RAP2A: variants seen among roughly 807,000 people sequenced by gnomAD.
The protein encoded by RAP2A is ras-related protein Rap-2a.
In RAP2A, 5 loss-of-function variants were observed where a neutral mutation model predicts 15.1. The observed-to-expected ratio is 0.33, with a 90% CI of 0.17 to 0.70. The LOEUF is 0.70. Among genes scored for constraint, RAP2A ranks in the 30% least tolerant of loss-of-function variants. The probability of loss-of-function intolerance (pLI) is 0.68; values close to 1 mark genes in which losing one functional copy is unlikely to be tolerated. For missense variants in RAP2A, 111 were observed against 240.3 expected (o/e 0.46, Z 3.56); for synonymous variants, 110 against 99.7 (o/e 1.10, Z -0.62).
rs551562350 is a variant in RAP2A, at chr13:97,445,603, G to A, written c.314+10819G>A. ...ACCCTATGTCTGTTCTTGCTGGATG[G>A]TCAACTAGTTTTGGAGTGCTGTTAC... On this transcript the variant is annotated intron_variant, in intron 1 of 1. Coordinates refer to ENST00000245304, the MANE Select transcript of RAP2A (RefSeq NM_021033.7). 2.6e-5 allele frequency among the ~76,000 whole-genome samples: 4 copies of A among 152,258 alleles called. No individual in the cohort carries two copies. In the South Asian group the frequency reaches 6.2e-4, roughly 24 times the overall value.
In RAP2A at chr13:97,467,234, TG is replaced by T; in HGVS notation, c.*2793del. On this transcript the variant is annotated 3_prime_UTR_variant, in exon 2 of 2. Transcript: ENST00000245304. ...TTTGGGTTCTTTTAAACTGTGATAG[TG>T]ATGGTAACTGATGCCTTTCATTTTG... 1 of 152,724 alleles carries T rather than the reference TG, an allele frequency of 6.5e-6. No homozygotes were observed. The highest frequency in any genetic ancestry group is 3.4e-3 in the Middle Eastern group (1 of 294). The allele number at this position is 152,724 out of a possible 1,614,324, so 9.5% of individuals were successfully genotyped here. A position where few individuals can be genotyped will look rare whatever the true frequency, so the allele number is the denominator to read the frequency against.
chr13:97,461,957 C>T (rs1355991860), intron 1 of RAP2A, among the ~76,000 whole-genome samples: 9 of 132,318 alleles, frequency 6.8e-5, no homozygotes, highest in Admixed American at 1.6e-4. Context: ...AGCGAGACTC[C>T]GTCTCAAAAA....
rs2066768613 is a variant in RAP2A, at chr13:97,465,908, T to A, written c.*1466T>A. ...GAATTTGGCCTTCAGAACTGCAATA[T>A]CACTGAGCCTGCGATCTATACACCA... On this transcript the variant is annotated 3_prime_UTR_variant, in exon 2 of 2. Coordinates refer to ENST00000245304, the MANE Select transcript of RAP2A (RefSeq NM_021033.7). The A allele has an allele frequency of 6.6e-6, 1 of 152,160 alleles. No homozygotes were observed. Among genetic ancestry groups the A allele is most frequent in the African/African-American group, 2.4e-5 (1 of 41,428 alleles). The allele number at this position is 152,160 out of a possible 1,614,324, so 9.4% of individuals were successfully genotyped here.
rs922368862 is a variant in RAP2A at position 97,434,825 on chromosome 13, A to T, written c.314+41A>T. ...CGGGGGCTTGGCGGCTGCACCCCGG[A>T]GTCACCGTCCCGGGGCTGGAACTCC... On this transcript the variant is annotated intron_variant, in intron 1 of 1. Transcript: ENST00000245304. 9 of 1,604,302 alleles carry T rather than the reference A, an allele frequency of 5.6e-6. No homozygotes were observed. The Admixed American group carries it at 1.0e-4, about 18-fold the overall frequency.
At chr13:97,445,914 C>T (rs2066677536) in intron 1 of RAP2A, among the ~76,000 whole-genome samples, 1 of 152,160 alleles carries the variant, frequency 6.6e-6, no homozygotes, top group African/African-American at 2.4e-5. Flanking sequence ...CCACCCTGAG[C>T]ACATCATCTG....
At position 97,466,531 on chromosome 13, in the gene RAP2A, T is replaced by A. The variant is rs1278085867; in HGVS notation, c.*2089T>A. On this transcript the variant is annotated 3_prime_UTR_variant, in exon 2 of 2. Transcript: ENST00000245304. ...GTTGAGTTTTGATTCCTCTAACTTCTCAGAATGATTCTTTAGAATTCTATA... is the reference window on the plus strand; with the variant it reads ...GTTGAGTTTTGATTCCTCTAACTTCACAGAATGATTCTTTAGAATTCTATA... 1 of 152,264 alleles carries A rather than the reference T, an allele frequency of 6.6e-6. No individual in the cohort carries two copies. The highest frequency in any genetic ancestry group is 1.5e-5 in the Non-Finnish European group (1 of 68,054). The allele number at this position is 152,264 out of a possible 1,614,324, so 9.4% of individuals were successfully genotyped here. A position where few individuals can be genotyped will look rare whatever the true frequency, so the allele number is the denominator to read the frequency against.
intron 1 of RAP2A, among the ~76,000 whole-genome samples, chr13:97,447,865 C>T (rs1339923084): frequency 1.3e-5 from 2 of 152,142 alleles, no homozygotes; most frequent in Non-Finnish European, 2.9e-5. Flanking sequence ...CATTCATTGC[C>T]CTTGCCTTCC....
chr13:97,452,570 A>C (rs766794084), intron 1 of RAP2A, among the ~76,000 whole-genome samples: 1 of 150,788 alleles, frequency 6.6e-6, no homozygotes, highest in South Asian at 2.1e-4. Context: ...TGTTTTTCAG[A>C]TTTGCTTTGG....
chr13:97,437,964 C>T (rs534850324), intron 1 of RAP2A, among the ~76,000 whole-genome samples: 14 of 152,142 alleles, frequency 9.2e-5, no homozygotes, highest in Non-Finnish European at 2.1e-4. Flanking sequence ...TGTAAGTGTA[C>T]ATACCTCCGT....
In RAP2A at chr13:97,468,714, T is replaced by G. The variant is rs982120591; in HGVS notation, c.*4272T>G. On this transcript the variant is annotated 3_prime_UTR_variant, in exon 2 of 2. Coordinates refer to ENST00000245304, the MANE Select transcript of RAP2A (RefSeq NM_021033.7). ...AAAACATGCCTATATTTTAGGAATA[T>G]CTTCTGAAGAACTTCATAATTTTAT... 5 of 152,238 alleles carry G rather than the reference T, an allele frequency of 3.3e-5. No homozygotes were observed. Among genetic ancestry groups the G allele is most frequent in the Non-Finnish European group, 7.3e-5 (5 of 68,048 alleles). 9.4% of individuals were successfully genotyped at this position (152,238 alleles called of 1,614,324 possible). A position where few individuals can be genotyped will look rare whatever the true frequency, so the allele number is the denominator to read the frequency against.
At position 97,464,626 on chromosome 13, in the gene RAP2A, C is replaced by T; in HGVS notation, c.*184C>T. 1.6e-6 allele frequency: 1 copy of T among 617,306 alleles called. No individual in the cohort carries two copies. The highest frequency in any genetic ancestry group is 2.7e-5 in the East Asian group (1 of 36,456). The allele number at this position is 617,306 out of a possible 1,614,324, so 38.2% of individuals were successfully genotyped here. The stretch of plus-strand genomic sequence containing the variant: ...GAGTAACATTTGGGTTCAGTAACTA[C>T]AGTTTTCACCATTTGTCCTCAGTCT... On this transcript the variant is annotated 3_prime_UTR_variant, in exon 2 of 2. Transcript: ENST00000245304.
chr13:97,459,599 G>GCCTGTCCTAGA (rs2066738103), intron 1 of RAP2A, among the ~76,000 whole-genome samples: 1 of 152,194 alleles, frequency 6.6e-6, no homozygotes, highest in African/African-American at 2.4e-5. Context: ...ATTGTCTAGG[G>GCCTGTCCTAGA]CATGTCCTGC....
intron 1 of RAP2A, among the ~76,000 whole-genome samples, chr13:97,461,990 T>TATATATATATATATATATATA: frequency 7.1e-6 from 1 of 141,772 alleles, no homozygotes; most frequent in African/African-American, 2.6e-5. Flanking sequence ...ATATATATAT[T>TATATATATATATATATATATA]TATATATTTA....
At chr13:97,455,297 TA>T (rs2066718438) in intron 1 of RAP2A, among the ~76,000 whole-genome samples, 1 of 151,574 alleles carries the variant, frequency 6.6e-6, no homozygotes, top group Non-Finnish European at 1.5e-5. Flanking sequence ...TGTTTATTTA[TA>T]GAGTGTTTAC....
In RAP2A at chr13:97,454,893, T is replaced by C. The variant is rs1015899084; in HGVS notation, c.315-9312T>C. Among the ~76,000 whole-genome samples the C allele has an allele frequency of 3.3e-5, 5 of 151,378 alleles. 1 individual carries two copies. Among genetic ancestry groups the C allele is most frequent in the Admixed American group, 6.6e-5 (1 of 15,200 alleles). Reference sequence around the variant, plus strand: ...ATATTTTTGCTGATACAGTATTCTGTGTTGACAGGGTTTTTTGTTTTTTCA... The same window carrying C: ...ATATTTTTGCTGATACAGTATTCTGCGTTGACAGGGTTTTTTGTTTTTTCA... On this transcript the variant is annotated intron_variant, in intron 1 of 1. Transcript: ENST00000245304.
chr13:97,453,975 C>T (rs928187484), intron 1 of RAP2A, among the ~76,000 whole-genome samples: 5 of 151,070 alleles, frequency 3.3e-5, no homozygotes, highest in African/African-American at 1.2e-4. Flanking sequence ...ATGGCTTTTG[C>T]CCATTTTCTA....
At chr13:97,447,044 T>C (rs149374291) in intron 1 of RAP2A, among the ~76,000 whole-genome samples, 2,134 of 152,360 alleles carry the variant, frequency 0.014, 22 homozygotes, top group Middle Eastern at 0.031. Flanking sequence ...AAGAGTACTA[T>C]TGATCCTTTT....
intron 1 of RAP2A, among the ~76,000 whole-genome samples, chr13:97,443,717 C>T (rs1461432787): frequency 2.6e-5 from 4 of 152,086 alleles, no homozygotes; most frequent in Non-Finnish European, 4.4e-5. Context: ...TTTAGGTTTC[C>T]AATGAACATT....
chr13:97,442,831 C>T (rs939197487), intron 1 of RAP2A, among the ~76,000 whole-genome samples: 1 of 152,136 alleles, frequency 6.6e-6, no homozygotes, highest in Admixed American at 6.5e-5. Context: ...TGAAGTACTT[C>T]CCAATGTGAG....
Sources: allele counts gnomAD v4.1 joint callset (sites outside exome capture counted in the v4.1 genomes callset), GRCh38; gene constraint gnomAD v4.1.1; transcripts MANE v1.5; gene names NCBI Gene and HGNC (gene_info 2026-07-23, HGNC 2026-07-21).